QTMAN: variants seen among roughly 807,000 people sequenced by gnomAD.
The protein encoded by QTMAN is queuosine-tRNA mannosyltransferase.
At chr2:143,970,525 C>T in the QTMAN span, 2 of 671,980 alleles carry the variant, frequency 3.0e-6, no homozygotes, top group South Asian at 1.7e-5. Flanking sequence ...TTAATGCCAT[C>T]GTATAATCTT....
At chr2:144,011,117 T>C in the QTMAN span, among the ~76,000 whole-genome samples, 1 of 152,284 alleles carries the variant, frequency 6.6e-6, no homozygotes, top group East Asian at 1.9e-4. Flanking sequence ...TTCATTATAG[T>C]GATTGTCACC....
the QTMAN span, among the ~76,000 whole-genome samples, chr2:144,089,885 G>A: frequency 6.6e-6 from 1 of 151,846 alleles, no homozygotes; most frequent in South Asian, 2.1e-4. Flanking sequence ...TACTTAACAA[G>A]AATATACTGT....
chr2:143,953,343 T>G, the QTMAN span, among the ~76,000 whole-genome samples: 1 of 151,894 alleles, frequency 6.6e-6, no homozygotes, highest in African/African-American at 2.4e-5. Flanking sequence ...CATTTTCATT[T>G]TAAGCTCATG....
At chr2:144,192,790 G>A in the QTMAN span, among the ~76,000 whole-genome samples, 6 of 152,144 alleles carry the variant, frequency 3.9e-5, no homozygotes, top group African/African-American at 1.4e-4. Flanking sequence ...ATTACTATTC[G>A]ATTCACAATT....
the QTMAN span, among the ~76,000 whole-genome samples, chr2:143,999,860 T>C: frequency 1.3e-5 from 2 of 152,222 alleles, no homozygotes; most frequent in East Asian, 3.9e-4. Context: ...TTAACCATGT[T>C]GGGCAGGAAA....
At chr2:144,010,041 C>T in the QTMAN span, among the ~76,000 whole-genome samples, 1 of 137,914 alleles carries the variant, frequency 7.3e-6, no homozygotes, top group Admixed American at 7.7e-5. Context: ...GAATCACAAA[C>T]TTAGCTCATG....
the QTMAN span, among the ~76,000 whole-genome samples, chr2:144,229,424 ATAGAG>A: frequency 6.6e-6 from 1 of 152,244 alleles, no homozygotes; most frequent in Non-Finnish European, 1.5e-5. Context: ...CAGGGTAATG[ATAGAG>A]TAAAGAACCA....
At chr2:144,190,612 G>T in the QTMAN span, among the ~76,000 whole-genome samples, 1 of 152,104 alleles carries the variant, frequency 6.6e-6, no homozygotes, top group Non-Finnish European at 1.5e-5. Context: ...TATCTTAGCT[G>T]GGATTATACA....
At chr2:144,126,851 T>A in the QTMAN span, among the ~76,000 whole-genome samples, 1 of 152,012 alleles carries the variant, frequency 6.6e-6, no homozygotes, top group Admixed American at 6.6e-5. Flanking sequence ...AGGACTATAT[T>A]TTTGAAGGGT....
chr2:144,241,902 G>A, the QTMAN span, among the ~76,000 whole-genome samples: 2 of 152,096 alleles, frequency 1.3e-5, no homozygotes, highest in Admixed American at 1.3e-4. Flanking sequence ...CTATGAGCTA[G>A]CTGGAGATAG....
chr2:144,191,151 T>C, the QTMAN span, among the ~76,000 whole-genome samples: 1 of 152,230 alleles, frequency 6.6e-6, no homozygotes, highest in South Asian at 2.1e-4. Flanking sequence ...CTCTGTCTTG[T>C]AGATCCTATT....
the QTMAN span, among the ~76,000 whole-genome samples, chr2:144,223,274 A>G: frequency 1.3e-5 from 2 of 152,094 alleles, no homozygotes; most frequent in Admixed American, 1.3e-4. Context: ...ACAAAAAAAA[A>G]CTAATAAAAT....
chr2:144,286,842 G>A, the QTMAN span, among the ~76,000 whole-genome samples: 8 of 152,192 alleles, frequency 5.3e-5, no homozygotes, highest in Admixed American at 5.2e-4. Flanking sequence ...TTGTCCACTG[G>A]TTTAGGCCAG....
the QTMAN span, among the ~76,000 whole-genome samples, chr2:144,303,824 AGGG>A: frequency 6.6e-6 from 1 of 152,240 alleles, no homozygotes; most frequent in Admixed American, 6.5e-5. Context: ...CCTAAAAGAA[AGGG>A]AAACCCTATG....
the QTMAN span, among the ~76,000 whole-genome samples, chr2:144,122,640 C>T: frequency 1.3e-5 from 2 of 152,122 alleles, no homozygotes; most frequent in African/African-American, 4.8e-5. Context: ...CCAAAAAACT[C>T]TCCTCTGTAT....
At chr2:143,959,749 TA>T in the QTMAN span, among the ~76,000 whole-genome samples, 7 of 151,114 alleles carry the variant, frequency 4.6e-5, no homozygotes, top group East Asian at 5.8e-4. Context: ...GGTTATAAAA[TA>T]TTTTTTTGGT....
At chr2:144,022,166 C>T in the QTMAN span, among the ~76,000 whole-genome samples, 1 of 152,026 alleles carries the variant, frequency 6.6e-6, no homozygotes, top group African/African-American at 2.4e-5. Flanking sequence ...AAATATTGTG[C>T]AAAAATCTCT....
chr2:144,150,121 T>G, the QTMAN span, among the ~76,000 whole-genome samples: 1 of 152,184 alleles, frequency 6.6e-6, no homozygotes, highest in East Asian at 1.9e-4. Flanking sequence ...CATAATGAGA[T>G]AGTGTATACA....
chr2:144,245,178 A>C, the QTMAN span, among the ~76,000 whole-genome samples: 1 of 152,210 alleles, frequency 6.6e-6, no homozygotes, highest in African/African-American at 2.4e-5. Flanking sequence ...TCATTAGTGG[A>C]GCATCAGCCT....
Sources: gnomAD v4.1 joint callset for allele counts (sites outside exome capture counted in the v4.1 genomes callset) on GRCh38, gnomAD v4.1.1 for gene constraint, MANE v1.5 for transcripts, NCBI Gene and HGNC (gene_info 2026-07-23, HGNC 2026-07-21) for gene names.